The following DOCK1 variants were observed in gnomAD, a reference collection of about 807,000 sequenced individuals.
The protein encoded by DOCK1 is dedicator of cytokinesis protein 1.
A neutral mutation model predicts 262.7 loss-of-function variants in DOCK1; 138 were observed. That is an observed-to-expected ratio of 0.53 (90% CI 0.46 to 0.61). The LOEUF (loss-of-function observed/expected upper bound fraction) is 0.61. DOCK1 is among the 20% of genes least tolerant of loss of function. DOCK1 has a pLI of 0.00. For synonymous variants in DOCK1, 866 were observed against 867.4 expected (o/e 1.00, Z 0.03); for missense variants, 1,908 against 2,370.7 (o/e 0.80, Z 4.05).
Position 126,942,094 on chromosome 10 carries a change from G to C in DOCK1, c.47-28608G>C. On this transcript the variant is annotated intron_variant, in intron 1 of 51. Transcript: ENST00000623213. ...GGCTGGAGTGCAGTGGCACGATCTC[G>C]GCTCACTGCAAGCTCTGCCTCCCGG... is the stretch of plus-strand genomic sequence containing the variant. 1.3e-5 allele frequency among the ~76,000 whole-genome samples: 2 copies of C among 151,766 alleles called. 1 individual carries two copies. Among genetic ancestry groups the C allele is most frequent in the South Asian group, 4.2e-4 (2 of 4,802 alleles).
rs191191787 is a variant in DOCK1 at position 127,128,019 on chromosome 10, C to T, written c.2847+255C>T. 5.8e-3 allele frequency: 1,525 copies of T among 261,634 alleles called. 8 individuals are homozygous for T. Among genetic ancestry groups the T allele is most frequent in the South Asian group, 0.026 (224 of 8,580 alleles). 16.2% of individuals were successfully genotyped at this position (261,634 alleles called of 1,614,324 possible). ...AAAAGACATGTATTTTCTGCTGAGT[C>T]GTCATTCTTCTGGCAGTTTCTCCAT... On this transcript the variant is annotated intron_variant, in intron 27 of 51. Coordinates refer to ENST00000623213, the MANE Select transcript of DOCK1 (RefSeq NM_001290223.2).
chr10:127,095,956 G>C (rs1027776255), intron 23 of DOCK1, among the ~76,000 whole-genome samples: 3 of 152,070 alleles, frequency 2.0e-5, no homozygotes, highest in African/African-American at 7.3e-5. Context: ...GCGTTAAATT[G>C]ACATTTGGGA....
intron 16 of DOCK1, among the ~76,000 whole-genome samples, chr10:127,028,693 G>A (rs1179669600): frequency 1.3e-5 from 2 of 152,230 alleles, no homozygotes; most frequent in Non-Finnish European, 2.9e-5. Context: ...GCTTAGGTTT[G>A]AGTTGAGGTT....
At chr10:127,318,785 G>C (rs950052037) in intron 29 of DOCK1, among the ~76,000 whole-genome samples, 1 of 152,214 alleles carries the variant, frequency 6.6e-6, no homozygotes, top group Admixed American at 6.5e-5. Context: ...CAGGGGCTCA[G>C]ATAGTAATCC....
intron 27 of DOCK1, among the ~76,000 whole-genome samples, chr10:127,210,932 G>A (rs1305120183): frequency 6.6e-6 from 1 of 152,162 alleles, no homozygotes; most frequent in Non-Finnish European, 1.5e-5. Flanking sequence ...GCAGCTCTTG[G>A]TATAGGACCC....
At chr10:127,236,564 A>G (rs945059330) in intron 27 of DOCK1, among the ~76,000 whole-genome samples, 13 of 30,638 alleles carry the variant, frequency 4.2e-4, no homozygotes, top group Non-Finnish European at 5.7e-4. Flanking sequence ...AGTTTGTTTT[A>G]TTTGTCTGTC....
At chr10:127,383,813 G>C (rs1023477772) in intron 37 of DOCK1, among the ~76,000 whole-genome samples, 1 of 152,194 alleles carries the variant, frequency 6.6e-6, no homozygotes, top group Non-Finnish European at 1.5e-5. Flanking sequence ...CATGCTCACC[G>C]TGTCCTCCCG....
intron 23 of DOCK1, among the ~76,000 whole-genome samples, chr10:127,097,601 G>T (rs543765013): frequency 3.3e-5 from 5 of 152,144 alleles, no homozygotes; most frequent in Admixed American, 1.3e-4. Context: ...TGATTGGTCC[G>T]AGGACTAAAT....
intron 1 of DOCK1, among the ~76,000 whole-genome samples, 170 bp downstream of exon 1, chr10:126,905,733 C>T (rs1412837585): frequency 1.3e-5 from 2 of 149,902 alleles, no homozygotes; most frequent in East Asian, 4.0e-4. Context: ...ACCCCGGCCG[C>T]CCCGCGCCCC....
chr10:127,060,943 G>C (rs2045489800), intron 22 of DOCK1, among the ~76,000 whole-genome samples: 2 of 152,168 alleles, frequency 1.3e-5, no homozygotes, highest in Non-Finnish European at 2.9e-5. Context: ...TAAAAACATT[G>C]GTAGTGGCCG....
chr10:127,218,142 T>G (rs75075374), intron 27 of DOCK1, among the ~76,000 whole-genome samples: 1,678 of 152,354 alleles, frequency 0.011, 30 homozygotes, highest in African/African-American at 0.038. Flanking sequence ...CTCATTAATC[T>G]AAGAGAATCC....
chr10:127,342,164 G>A (rs761707438), intron 30 of DOCK1, among the ~76,000 whole-genome samples: 2 of 152,066 alleles, frequency 1.3e-5, no homozygotes, highest in African/African-American at 2.4e-5. Flanking sequence ...GTGAGTCCTC[G>A]CAGGCATGGG....
At chr10:127,187,779 A>AAAGCAAGC (rs142757297) in intron 27 of DOCK1, among the ~76,000 whole-genome samples, 3 of 151,842 alleles carry the variant, frequency 2.0e-5, no homozygotes, top group African/African-American at 7.3e-5. Context: ...AAGAGAGAGA[A>AAAGCAAGC]AAGCAAGCAA....
intron 29 of DOCK1, among the ~76,000 whole-genome samples, chr10:127,322,214 G>C (rs372518737): frequency 2.0e-5 from 3 of 146,380 alleles, no homozygotes; most frequent in African/African-American, 7.6e-5. Context: ...CCTGGAGACA[G>C]AGTCTTACTC....
intron 29 of DOCK1, among the ~76,000 whole-genome samples, chr10:127,271,410 G>A (rs1344503077): frequency 3.9e-5 from 6 of 152,126 alleles, no homozygotes; most frequent in Admixed American, 1.3e-4. Context: ...CTTCAAGAAA[G>A]CCTGACTGTG....
chr10:127,441,122 C>T (rs942051916), intron 49 of DOCK1, among the ~76,000 whole-genome samples: 1 of 152,218 alleles, frequency 6.6e-6, no homozygotes, highest in Non-Finnish European at 1.5e-5. Context: ...TGGAGGGCCT[C>T]GGAGCAGTTG....
chr10:127,062,326 C>T (rs759027767), intron 23 of DOCK1, among the ~76,000 whole-genome samples: 7 of 152,056 alleles, frequency 4.6e-5, no homozygotes, highest in Non-Finnish European at 7.3e-5. Context: ...TACAGGTATA[C>T]GATGTGATCA....
intron 23 of DOCK1, among the ~76,000 whole-genome samples, chr10:127,080,830 C>G (rs1384615791): frequency 6.6e-6 from 1 of 152,080 alleles, no homozygotes; most frequent in Non-Finnish European, 1.5e-5. Flanking sequence ...TTGTCATAAG[C>G]GAGGGCCGAG....
At chr10:127,094,933 A>G (rs2047815460) in intron 23 of DOCK1, among the ~76,000 whole-genome samples, 1 of 152,170 alleles carries the variant, frequency 6.6e-6, no homozygotes, top group Admixed American at 6.5e-5. Context: ...AGTTTTCACC[A>G]ATTTGGGGGC....
Sources: gnomAD v4.1 joint callset for allele counts (sites outside exome capture counted in the v4.1 genomes callset) on GRCh38, gnomAD v4.1.1 for gene constraint, MANE v1.5 for transcripts, NCBI Gene and HGNC (gene_info 2026-07-23, HGNC 2026-07-21) for gene names.